The following VWDE variants were observed in gnomAD, a reference collection of about 807,000 sequenced individuals.
The protein encoded by VWDE is von Willebrand factor D and EGF domains.
Under a neutral mutation model 178.4 loss-of-function variants are expected in VWDE, and 207 were observed. That is an observed-to-expected ratio of 1.16 (90% CI 1.04 to 1.30). The LOEUF (loss-of-function observed/expected upper bound fraction) is 1.30, where lower values mean the gene tolerates loss of function less well. Ranked by LOEUF, VWDE falls within the 50% of genes most tolerant of loss-of-function variation. The pLI is 0.00. For missense variants in VWDE, 2,287 were observed against 1,901.3 expected, an observed-to-expected ratio of 1.20 and a Z score of -3.77; for synonymous variants, 738 against 651.4, an observed-to-expected ratio of 1.13 and a Z score of -2.02.
At chr7:12,359,464 C>T in intron 16 of VWDE, 114 bp downstream of exon 16, 1 of 636,558 alleles carries the variant, frequency 1.6e-6, no homozygotes, top group East Asian at 2.8e-5. Context: ...AGGAGAGATG[C>T]TAAATTAAAC....
chr7:12,389,338 C>A lies in VWDE; in HGVS notation c.264G>T (p.Gln88His). The change falls in exon 3 of 29, where the codon CAG becomes CAT. Residue 88 changes from glutamine to histidine, a missense_variant. By Grantham distance (24) the Gln-to-His change is conservative. Transcript: ENST00000275358. Reference sequence around the variant, plus strand: ...CTCTCAGAGACAGCCAGATGGGGGCCTGAGTTCCACAATGGTTCATCTTTT... The same window carrying A: ...CTCTCAGAGACAGCCAGATGGGGGCATGAGTTCCACAATGGTTCATCTTTT... ...KCVEMNHCGT[Q>H]APIWLSLRDS... 6.5e-7 allele frequency: 1 copy of A among 1,547,498 alleles called. No individual in the cohort carries two copies. The highest frequency in any genetic ancestry group is 8.7e-7 in the Non-Finnish European group (1 of 1,143,568).
In VWDE at chr7:12,336,147, G is replaced by C. The variant is rs1781012995; in HGVS notation, c.4648C>G (p.Gln1550Glu). The change falls in exon 27 of 29, where the codon CAA becomes GAA. Residue 1550 changes from glutamine (Q) to glutamate (E), a missense_variant. By Grantham distance (29) the Gln-to-Glu change is conservative (BLOSUM62 2). Coordinates refer to ENST00000275358, the MANE Select transcript of VWDE (RefSeq NM_001135924.3). ...AAACATCCTGTGGGCTTACGTATTT[G>C]ACACCGCACTCCTTCCCAGGAGGAA... is the stretch of plus-strand genomic sequence containing the variant. The part of the protein sequence containing the change: ...CPSSWEGVRC[Q>E]IPICNPKCLY... 1.3e-6 allele frequency: 2 copies of C among 1,550,248 alleles called. No individual in the cohort carries two copies. The highest frequency in any genetic ancestry group is 1.7e-6 in the Non-Finnish European group (2 of 1,146,478).
chr7:12,401,093 T>C (rs1784872449), intron 1 of VWDE, among the ~76,000 whole-genome samples: 2 of 152,244 alleles, frequency 1.3e-5, no homozygotes, highest in African/African-American at 4.8e-5. Context: ...GAAAATCCCA[T>C]AGCTTACATT....
chr7:12,357,645 C>A, intron 16 of VWDE, 130 bp from the exon 17 acceptor site: 6 of 1,048,150 alleles, frequency 5.7e-6, no homozygotes, highest in Non-Finnish European at 8.0e-6. Flanking sequence ...TAGCTGCTTT[C>A]ATTTTTTTTT....
At chr7:12,400,657 T>C (rs1160744819) in intron 1 of VWDE, among the ~76,000 whole-genome samples, 1 of 151,786 alleles carries the variant, frequency 6.6e-6, no homozygotes, top group African/African-American at 2.4e-5. Context: ...TCAAACACTT[T>C]CAAAAAATAG....
At chr7:12,375,322 A>G in intron 7 of VWDE, 95 bp from the exon 8 acceptor site, 1 of 989,116 alleles carries the variant, frequency 1.0e-6, no homozygotes, top group Non-Finnish European at 1.5e-6. Flanking sequence ...GAATTGTAAG[A>G]TTATTCTCAA....
chr7:12,365,416 T>C (rs1385939578), intron 13 of VWDE, among the ~76,000 whole-genome samples: 1 of 152,100 alleles, frequency 6.6e-6, no homozygotes, highest in African/African-American at 2.4e-5. Context: ...TATTCCAAAA[T>C]AAAAGTTTTT....
At position 12,398,339 on chromosome 7, in the gene VWDE, C is replaced by A. The variant is rs150115674; in HGVS notation, c.59-4561G>T. Among the ~76,000 whole-genome samples, 972 of 152,264 alleles carry A rather than the reference C, an allele frequency of 6.4e-3. 12 individuals are homozygous for A. The highest frequency in any genetic ancestry group is 0.022 in the African/African-American group (898 of 41,556). On this transcript the variant is annotated intron_variant, in intron 1 of 28. Coordinates refer to ENST00000275358, the MANE Select transcript of VWDE (RefSeq NM_001135924.3). ...CTGAGTTCCTTTCTCAGGAAACCAT[C>A]AGGCCTCCCAGATGGTATCAAGGAA...
chr7:12,401,717 T>C (rs1784903894), intron 1 of VWDE, among the ~76,000 whole-genome samples: 1 of 152,164 alleles, frequency 6.6e-6, no homozygotes, highest in African/African-American at 2.4e-5. Context: ...ACAGCCACTT[T>C]GGAAAACATC....
chr7:12,399,975 G>T (rs1487179979), intron 1 of VWDE, among the ~76,000 whole-genome samples: 1 of 152,036 alleles, frequency 6.6e-6, no homozygotes. Flanking sequence ...AATAATCACT[G>T]AGTCAAAGAA....
rs773614884 is a variant in VWDE at position 12,344,267 on chromosome 7, T to A, written c.4006A>T (p.Asn1336Tyr). 24 of 1,551,020 alleles carry A rather than the reference T, an allele frequency of 1.5e-5. No homozygotes were observed. The South Asian group carries it at 2.9e-4, about 18-fold the overall frequency. ...TTAGGCTTAATACATTTTCCATGGT[T>A]TTTGCAATCAGGGTCACAAAGAGCT... is the stretch of plus-strand genomic sequence containing the variant. ...QTALCDPDCK[N>Y]HGKCIKPNIC... is the part of the protein sequence containing the mutation. Residue 1336 changes from asparagine to tyrosine, a missense_variant, in exon 21 of 29, where the codon AAC (asparagine) becomes TAC (tyrosine). Physicochemically the swap from Asn to Tyr is moderately radical, Grantham distance 143 (BLOSUM62 -2). Transcript: ENST00000275358.
In VWDE at chr7:12,370,170, T is replaced by C. The variant is rs371876400; in HGVS notation, c.2136A>G (p.Gln712=). The change falls in exon 12 of 29, where the codon CAA becomes CAG. Residue 712 remains glutamine, a synonymous_variant. Coordinates refer to ENST00000275358, the MANE Select transcript of VWDE (RefSeq NM_001135924.3). ...CTTCTTTCTCATTTCCAGGATGTTTTTGTACATTTAAGCCGAGTTTAGTCA... is the reference window on the plus strand; with the variant it reads ...CTTCTTTCTCATTTCCAGGATGTTTCTGTACATTTAAGCCGAGTTTAGTCA... The part of the protein sequence containing the change: ...INLTKLGLNV[Q]KHPGNEKEDS... 18 of 1,551,456 alleles carry C rather than the reference T, an allele frequency of 1.2e-5. No individual in the cohort carries two copies. The highest frequency in any genetic ancestry group is 2.7e-5 in the African/African-American group (2 of 73,038).
At chr7:12,398,652 G>C (rs1000804114) in intron 1 of VWDE, among the ~76,000 whole-genome samples, 3 of 152,070 alleles carry the variant, frequency 2.0e-5, no homozygotes, top group African/African-American at 7.2e-5. Flanking sequence ...TTTTGTGCAG[G>C]ATGTAGACTA....
At chr7:12,335,397 A>G (rs951816928) in intron 27 of VWDE, among the ~76,000 whole-genome samples, 3 of 152,182 alleles carry the variant, frequency 2.0e-5, no homozygotes, top group Admixed American at 6.5e-5. Flanking sequence ...CTAAAACTCT[A>G]AAAAAGCAAC....
At chr7:12,396,790 C>A (rs1784646326) in intron 1 of VWDE, among the ~76,000 whole-genome samples, 1 of 151,890 alleles carries the variant, frequency 6.6e-6, no homozygotes, top group Non-Finnish European at 1.5e-5. Context: ...ACAAAATCAG[C>A]CAGGTGTTGT....
chr7:12,355,315 C>T (rs914895565), intron 18 of VWDE, among the ~76,000 whole-genome samples: 4 of 151,632 alleles, frequency 2.6e-5, no homozygotes, highest in South Asian at 2.1e-4. Context: ...ACTCGGGAGG[C>T]TGAGGCAAGA....
At chr7:12,363,437 A>C (rs1308840537) in intron 13 of VWDE, among the ~76,000 whole-genome samples, 1 of 152,078 alleles carries the variant, frequency 6.6e-6, no homozygotes, top group East Asian at 1.9e-4. Flanking sequence ...ATAAATCAGC[A>C]ACCTTAAAAT....
chr7:12,355,961 A>G lies in VWDE; in HGVS notation c.3745+150T>C, dbSNP rs965722672. On this transcript the variant is annotated intron_variant, in intron 18 of 28. Transcript: ENST00000275358. Reference sequence around the variant, plus strand: ...CTTGCAATTTACAAAAACAAGGGATATGGATAGTAATTATATTTGTAATAA... The same window carrying G: ...CTTGCAATTTACAAAAACAAGGGATGTGGATAGTAATTATATTTGTAATAA... The G allele has an allele frequency of 9.4e-5, 68 of 724,938 alleles. 1 individual carries two copies. The South Asian group carries it at 1.4e-3, about 15-fold the overall frequency. The allele number at this position is 724,938 out of a possible 1,614,324, so 44.9% of individuals were successfully genotyped here.
At chr7:12,380,945 G>T (rs1406364312) in intron 4 of VWDE, among the ~76,000 whole-genome samples, 1 of 152,164 alleles carries the variant, frequency 6.6e-6, no homozygotes, top group African/African-American at 2.4e-5. Flanking sequence ...AACGTTATCA[G>T]CTCAAGCTTA....
Sources: gnomAD v4.1 joint callset for allele counts (sites outside exome capture counted in the v4.1 genomes callset) on GRCh38, gnomAD v4.1.1 for gene constraint, MANE v1.5 for transcripts, NCBI Gene and HGNC (gene_info 2026-07-23, HGNC 2026-07-21) for gene names.